The following MUC4 variants were observed in gnomAD, a reference collection of about 807,000 sequenced individuals.
MUC4 encodes mucin-4.
MUC4 carries 202 observed loss-of-function variants against 257.9 expected under a neutral mutation model. That is an observed-to-expected ratio of 0.78 (90% CI 0.70 to 0.88). MUC4 has a LOEUF of 0.88. MUC4 is among the 40% of genes least tolerant of loss of function. The pLI, the probability that MUC4 is intolerant of heterozygous loss-of-function variation, is 0.00. For missense variants in MUC4, 5,976 were observed against 6,513.7 expected, an observed-to-expected ratio of 0.92 and a Z score of 2.84; for synonymous variants, 2,351 against 2,757.1, an observed-to-expected ratio of 0.85 and a Z score of 4.62.
intron 6 of MUC4, 142 bp from the exon 7 acceptor site, chr3:195,769,294 C>T (rs1052337022): frequency 2.3e-6 from 3 of 1,292,946 alleles, no homozygotes; most frequent in Non-Finnish European, 3.1e-6. Flanking sequence ...GACATGGGCC[C>T]AAAATGCTGG....
At chr3:195,759,918 A>AACACACACACACACGCACGCACGC (rs1553855202) in intron 16 of MUC4, among the ~76,000 whole-genome samples, 24,570 of 149,658 alleles carry the variant, frequency 0.16, 2,193 homozygotes, top group Non-Finnish European at 0.22. Flanking sequence ...AAACTCCGTC[A>AACACACACACACACGCACGCACGC]ACACACACAC....
At chr3:195,794,983 A>G (rs1734394598) in intron 1 of MUC4, among the ~76,000 whole-genome samples, 1 of 152,254 alleles carries the variant, frequency 6.6e-6, no homozygotes, top group Non-Finnish European at 1.5e-5. Context: ...CCCCTGGCTT[A>G]ATCCAAAATG....
rs762792637 is a variant in MUC4, at chr3:195,765,042, C to T, written c.13879G>A (p.Gly4627Arg). 7.4e-6 allele frequency: 12 copies of T among 1,613,960 alleles called. No homozygotes were observed. Among genetic ancestry groups the T allele is most frequent in the Non-Finnish European group, 1.0e-5 (12 of 1,179,996 alleles). Reference sequence around the variant, plus strand: ...ACGTGCCAGCCTTCACGAAACTCTCCCCAGGGCCCGTAGCTGCAGCACACG... The same window carrying T: ...ACGTGCCAGCCTTCACGAAACTCTCTCCAGGGCCCGTAGCTGCAGCACACG... ...GGVCCSYGPW[G>R]EFREGWHVQR... Residue 4627 changes from glycine (G) to arginine (R), a missense_variant, in exon 10 of 25, where the codon GGA becomes AGA. Physicochemically the swap from Gly to Arg is moderately radical, Grantham distance 125. Around this residue, in one of 44 missense-constraint regions of MUC4, gnomAD observed 996 missense variants for 1,137.3 expected, o/e 0.88. Transcript: ENST00000463781.
At position 195,793,509 on chromosome 3, in the gene MUC4, A is replaced by T. The variant is rs867434745; in HGVS notation, c.83-2012T>A. ...AGAGCAAGATTCTGTCTCAAAAAAA[A>T]AATAAATAAATAAAATAAAAAAGGA... On this transcript the variant is annotated intron_variant, in intron 1 of 24. Coordinates refer to ENST00000463781, the MANE Select transcript of MUC4 (RefSeq NM_018406.7). Among the ~76,000 whole-genome samples, 867 of 140,150 alleles carry T rather than the reference A, an allele frequency of 6.2e-3. 6 individuals carry two copies. The highest frequency in any genetic ancestry group is 0.023 in the African/African-American group (826 of 36,436). The allele number at this position is 140,150 out of a possible 152,430, so 91.9% of individuals were successfully genotyped here.
At chr3:195,752,604 C>G in intron 20 of MUC4, 158 bp from the exon 21 acceptor site, 2 of 633,258 alleles carry the variant, frequency 3.2e-6, no homozygotes, top group Non-Finnish European at 5.7e-6. Flanking sequence ...TCCACAGTGA[C>G]AGAAGGTCGC....
chr3:195,800,161 C>T (rs1273863699), intron 1 of MUC4, among the ~76,000 whole-genome samples: 3 of 152,052 alleles, frequency 2.0e-5, no homozygotes, highest in Non-Finnish European at 4.4e-5. Flanking sequence ...ACCTGTAATC[C>T]CAGCTACTCA....
chr3:195,758,771 A>G (rs1435971869), intron 17 of MUC4, among the ~76,000 whole-genome samples: 1 of 143,922 alleles, frequency 6.9e-6, no homozygotes, highest in Admixed American at 7.1e-5. Context: ...GGGTTTCACC[A>G]TGTTGGCCAG....
chr3:195,770,411 C>A, intron 5 of MUC4, 40 bp from the exon 6 acceptor site: 1 of 1,610,568 alleles, frequency 6.2e-7, no homozygotes, highest in Non-Finnish European at 8.5e-7. Context: ...CAACGAGGGT[C>A]CCACTCCTAC....
chr3:195,778,307 C>G lies in MUC4; in HGVS notation c.12939G>C (p.Glu4313Asp), dbSNP rs1276085836. 1.9e-6 allele frequency: 3 copies of G among 1,609,500 alleles called. No homozygotes were observed. Among genetic ancestry groups the G allele is most frequent in the Admixed American group, 1.7e-5 (1 of 59,382 alleles). ...STAAPIPILP[E>D]RGVSLFPYGA... Reference sequence around the variant, plus strand: ...GCCTCACCTGTATGGCCTCACCTCTCTCAGGCAGGATGGGGATGGGGGCAG... The same window carrying G: ...GCCTCACCTGTATGGCCTCACCTCTGTCAGGCAGGATGGGGATGGGGGCAG... The change falls in exon 3 of 25, where the codon GAG becomes GAC. Residue 4313 changes from glutamate (E) to aspartate (D), a missense_variant. Coordinates refer to ENST00000463781, the MANE Select transcript of MUC4 (RefSeq NM_018406.7).
At chr3:195,801,689 T>C (rs1455705639) in intron 1 of MUC4, among the ~76,000 whole-genome samples, 1 of 152,104 alleles carries the variant, frequency 6.6e-6, no homozygotes, top group African/African-American at 2.4e-5. Context: ...TCAAGCCGTT[T>C]TCCTCAGAGC....
In MUC4 at chr3:195,764,087, G is replaced by T. The variant is rs748713367; in HGVS notation, c.14002C>A (p.Arg4668=). 6.2e-7 allele frequency: 1 copy of T among 1,608,882 alleles called. No homozygotes were observed. The highest frequency in any genetic ancestry group is 8.5e-7 in the Non-Finnish European group (1 of 1,178,240). Residue 4668 remains arginine (R), a synonymous_variant, in exon 11 of 25, where the codon CGG becomes AGG. Transcript: ENST00000463781. ...TATGTAGCACAGCCCACGTGGGGCC[G>T]CCTCTGCTGGTACAGGGCACAGAGG... ...PYLCALYQQR[R]PHVGCATYRP...
At position 195,747,039 on chromosome 3, in the gene MUC4, C is replaced by T; in HGVS notation, c.*137G>A. Reference sequence around the variant, plus strand: ...ATAAGGTATAGTCTTGTCTTGATTCCCAGTATTCATTCTCCTTGAAGAATC... The same window carrying T: ...ATAAGGTATAGTCTTGTCTTGATTCTCAGTATTCATTCTCCTTGAAGAATC... On this transcript the variant is annotated 3_prime_UTR_variant, in exon 25 of 25. Coordinates refer to ENST00000463781, the MANE Select transcript of MUC4 (RefSeq NM_018406.7). 1 of 1,221,368 alleles carries T rather than the reference C, an allele frequency of 8.2e-7. No homozygotes were observed. The highest frequency in any genetic ancestry group is 2.3e-5 in the East Asian group (1 of 42,696). 75.7% of individuals were successfully genotyped at this position (1,221,368 alleles called of 1,614,324 possible).
Position 195,785,904 on chromosome 3 carries a change from G to C in MUC4, c.5676C>G (p.Thr1892=). 4 of 1,491,460 alleles carry C rather than the reference G, an allele frequency of 2.7e-6. No homozygotes were observed. The highest frequency in any genetic ancestry group is 1.5e-5 in the African/African-American group (1 of 67,910). The allele number at this position is 1,491,460 out of a possible 1,614,324, so 92.4% of individuals were successfully genotyped here. A position where few individuals can be genotyped will look rare whatever the true frequency, so the allele number is the denominator to read the frequency against. Residue 1892 remains threonine (T), a synonymous_variant, in exon 2 of 25, where the codon ACC becomes ACG. Transcript: ENST00000463781. ...CACCTGTGGATGCTGAGTTAGTGTC[G>C]GTGACAGGAAGAGGGGTGGTGTCAC... The part of the protein sequence containing the change: ...STGDTTPLPV[T]DTNSASTGDT...
rs2148936927 is a variant in MUC4, at chr3:195,781,188, TGAGGAAG to T, written c.10385_10391del (p.Thr3462LysfsTer795). The T allele has an allele frequency of 6.8e-7, 1 of 1,477,004 alleles. No homozygotes were observed. The highest frequency in any genetic ancestry group is 2.1e-5 in the Admixed American group (1 of 47,766). The allele number at this position is 1,477,004 out of a possible 1,614,324, so 91.5% of individuals were successfully genotyped here. On this transcript the variant is annotated frameshift_variant, in exon 2 of 25. Coordinates refer to ENST00000463781, the MANE Select transcript of MUC4 (RefSeq NM_018406.7). LOFTEE classifies it high-confidence loss of function. The stretch of plus-strand genomic sequence containing the variant: ...GAGGGGTGGTGTCACCTGTGGATGC[TGAGGAAG>T]TGTCGGTGACAGGAAGAGGGGTGGT...
intron 5 of MUC4, among the ~76,000 whole-genome samples, chr3:195,771,403 G>GGGTTGGGGTATTCCTGGTCAGTCTCGT (rs1722853563): frequency 6.6e-6 from 1 of 151,042 alleles, no homozygotes; most frequent in African/African-American, 2.4e-5. Context: ...TCTCGCGGCC[G>GGGTTGGGGTATTCCTGGTCAGTCTCGT]GGTTGGGGTA....
At chr3:195,747,657 G>C (rs1296567974) in intron 24 of MUC4, among the ~76,000 whole-genome samples, 1 of 152,286 alleles carries the variant, frequency 6.6e-6, no homozygotes, top group Non-Finnish European at 1.5e-5. Context: ...TTGAGGTCAG[G>C]GGTTCGAGAC....
rs1420111839 is a variant in MUC4, at chr3:195,771,704, G to A, written c.13190C>T (p.Pro4397Leu). The A allele has an allele frequency of 9.3e-6, 15 of 1,613,822 alleles. No homozygotes were observed. The highest frequency in any genetic ancestry group is 6.7e-5 in the Admixed American group (4 of 59,992). ...GGAGAAGTCAGCATCGTCCCAGAAC[G>A]GAGCCACCAGGGCCACAGGGTCCCG... ...TGRDPVALVA[P>L]FWDDADFSTG... The change falls in exon 5 of 25, where the codon CCG (proline) becomes CTG (leucine). Residue 4397 changes from proline to leucine, a missense_variant. This residue lies in a region of MUC4 where 996 missense variants were observed against 1,137.3 expected (regional missense o/e 0.88). Coordinates refer to ENST00000463781, the MANE Select transcript of MUC4 (RefSeq NM_018406.7).
rs1191812711 is a variant in MUC4, at chr3:195,785,990, A to T, written c.5590T>A (p.Ser1864Thr). 6.6e-7 allele frequency: 1 copy of T among 1,520,160 alleles called. No individual in the cohort carries two copies. Among genetic ancestry groups the T allele is most frequent in the African/African-American group, 1.4e-5 (1 of 71,388 alleles). 94.2% of individuals were successfully genotyped at this position (1,520,160 alleles called of 1,614,324 possible). The change falls in exon 2 of 25, where the codon TCA becomes ACA. Residue 1864 changes from serine (S) to threonine (T), a missense_variant. Ser to Thr is a moderately conservative substitution (Grantham distance 58). Transcript: ENST00000463781. ...GAGGTGGCGTGACCTGTGGACACTG[A>T]GGAAGCGTCGGTGACAGGAAGAGAG... ...TTSLPVTDAS[S>T]VSTGHATSLL...
intron 7 of MUC4, among the ~76,000 whole-genome samples, chr3:195,767,778 TCAC>T (rs1451789396): frequency 1.5e-4 from 8 of 52,656 alleles, no homozygotes; most frequent in African/African-American, 6.3e-4. Context: ...ACCACCACCA[TCAC>T]CACCATCATT....
Sources: gnomAD v4.1 joint callset for allele counts (sites outside exome capture counted in the v4.1 genomes callset) on GRCh38, gnomAD v4.1.1 for gene constraint, gnomAD v4.1.1 regional missense constraint, MANE v1.5 for transcripts, NCBI Gene and HGNC (gene_info 2026-07-23, HGNC 2026-07-21) for gene names.